ASTN2: variants seen among roughly 807,000 people sequenced by gnomAD.
The protein encoded by ASTN2 is astrotactin 2.
A neutral mutation model predicts 139.8 loss-of-function variants in ASTN2; 54 were observed. That is an observed-to-expected ratio of 0.39 (90% confidence interval 0.31 to 0.48). ASTN2 has a LOEUF of 0.48. Ranked by LOEUF, ASTN2 falls within the 20% of genes least tolerant of loss-of-function variation. The pLI, the probability that ASTN2 is intolerant of heterozygous loss-of-function variation, is 0.95. For synonymous variants in ASTN2, 756 were observed against 719.5 expected (o/e 1.05, Z -0.81); for missense variants, 1,565 against 1,725.1 (o/e 0.91, Z 1.64).
intron 20 of ASTN2, among the ~76,000 whole-genome samples, chr9:116,462,831 T>C (rs1848534168): frequency 6.9e-6 from 1 of 145,458 alleles, no homozygotes; most frequent in African/African-American, 2.5e-5. Context: ...TGTGTGTGTG[T>C]CTGCCCATAT....
intron 1 of ASTN2, among the ~76,000 whole-genome samples, chr9:117,317,810 G>C (rs1175823627): frequency 3.3e-5 from 5 of 152,176 alleles, no homozygotes; most frequent in Non-Finnish European, 7.4e-5. Flanking sequence ...CCTCTACACA[G>C]TGCACTCACA....
At chr9:116,717,407 G>A (rs867297868) in intron 16 of ASTN2, among the ~76,000 whole-genome samples, 2 of 152,098 alleles carry the variant, frequency 1.3e-5, no homozygotes, top group Non-Finnish European at 1.5e-5. Flanking sequence ...GGAGAAATAC[G>A]TTGGCTCTGT....
chr9:117,175,194 A>C (rs1033658044), intron 3 of ASTN2, among the ~76,000 whole-genome samples: 1 of 152,150 alleles, frequency 6.6e-6, no homozygotes, highest in African/African-American at 2.4e-5. Context: ...AAAAGATACA[A>C]TTTGCAACAG....
At chr9:116,640,352 CA>C (rs1157936445) in intron 17 of ASTN2, among the ~76,000 whole-genome samples, 6 of 151,594 alleles carry the variant, frequency 4.0e-5, no homozygotes, top group African/African-American at 1.5e-4. Flanking sequence ...CAATCAGTTT[CA>C]AAAAATAAAA....
In ASTN2 at chr9:117,024,416, A is replaced by T. The variant is rs74308293; in HGVS notation, c.1423+15403T>A. On this transcript the variant is annotated intron_variant, in intron 6 of 22. Coordinates refer to ENST00000313400, the MANE Select transcript of ASTN2 (RefSeq NM_001365068.1). Reference sequence around the variant, plus strand: ...AGATGTCTCAGAATTGTTTTTTTTTAAAAAGTTATTGTTAAAAGTATCCTG... The same window carrying T: ...AGATGTCTCAGAATTGTTTTTTTTTTAAAAGTTATTGTTAAAAGTATCCTG... 4.8e-3 allele frequency among the ~76,000 whole-genome samples: 574 copies of T among 119,300 alleles called. 5 individuals are homozygous for T. The highest frequency in any genetic ancestry group is 0.019 in the African/African-American group (510 of 26,182). The allele number at this position is 119,300 out of a possible 152,430, so 78.3% of individuals were successfully genotyped here. A position where few individuals can be genotyped will look rare whatever the true frequency, so the allele number is the denominator to read the frequency against.
chr9:116,997,399 C>T (rs908108927), intron 7 of ASTN2, among the ~76,000 whole-genome samples: 1 of 152,170 alleles, frequency 6.6e-6, no homozygotes, highest in African/African-American at 2.4e-5. Flanking sequence ...TTCCCTACAA[C>T]CCATACATGC....
rs1311185257 is a variant in ASTN2, at chr9:116,565,379, CTCTCTCTCCATA to C, written c.3355+52933_3355+52944del. Among the ~76,000 whole-genome samples the C allele has an allele frequency of 3.9e-3, 134 of 34,374 alleles. 5 individuals are homozygous for C. The South Asian group carries it at 0.1, about 26-fold the overall frequency. The allele number at this position is 34,374 out of a possible 152,430, so 22.6% of individuals were successfully genotyped here. A position where few individuals can be genotyped will look rare whatever the true frequency, so the allele number is the denominator to read the frequency against. Reference sequence around the variant, plus strand: ...TCTCTCTCTCTCTCTCTCTCTCTCTCTCTCTCTCCATATATATATATATATATATATATATAT... The same window carrying C: ...TCTCTCTCTCTCTCTCTCTCTCTCTCTATATATATATATATATATATATAT... On this transcript the variant is annotated intron_variant, in intron 19 of 22. Transcript: ENST00000313400.
intron 16 of ASTN2, among the ~76,000 whole-genome samples, chr9:116,659,678 C>G (rs1336245742): frequency 2.0e-5 from 3 of 152,126 alleles, no homozygotes; most frequent in African/African-American, 7.2e-5. Flanking sequence ...CTCCCACCCC[C>G]AGGTAATGCC....
At chr9:116,666,447 T>C (rs1459865731) in intron 16 of ASTN2, among the ~76,000 whole-genome samples, 2 of 152,248 alleles carry the variant, frequency 1.3e-5, no homozygotes, top group Non-Finnish European at 1.5e-5. Flanking sequence ...TTTGACATAA[T>C]GAAACTCACA....
chr9:116,664,901 A>G (rs1858771369), intron 16 of ASTN2, among the ~76,000 whole-genome samples: 1 of 152,168 alleles, frequency 6.6e-6, no homozygotes, highest in African/African-American at 2.4e-5. Flanking sequence ...TTGAAATGTA[A>G]TCCCCAGTGT....
At chr9:117,212,204 T>C (rs1397906066) in intron 3 of ASTN2, among the ~76,000 whole-genome samples, 1 of 152,070 alleles carries the variant, frequency 6.6e-6, no homozygotes, top group Non-Finnish European at 1.5e-5. Flanking sequence ...AAACTGAATA[T>C]GCATATGCAG....
At chr9:116,859,866 G>C (rs780235955) in intron 11 of ASTN2, among the ~76,000 whole-genome samples, 3 of 152,230 alleles carry the variant, frequency 2.0e-5, no homozygotes, top group Non-Finnish European at 4.4e-5. Flanking sequence ...GGCATGTCTA[G>C]ATCAAAAGAG....
intron 19 of ASTN2, among the ~76,000 whole-genome samples, chr9:116,506,629 TAGAG>T (rs1053582021): frequency 2.6e-5 from 4 of 151,974 alleles, no homozygotes; most frequent in Non-Finnish European, 4.4e-5. Flanking sequence ...GATTGATAAA[TAGAG>T]AGAATGTGGG....
chr9:117,125,430 A>T (rs1444970295), intron 4 of ASTN2, among the ~76,000 whole-genome samples: 1 of 152,200 alleles, frequency 6.6e-6, no homozygotes. Context: ...TTAGTCTGAA[A>T]TTAGGTTTAA....
intron 10 of ASTN2, among the ~76,000 whole-genome samples, chr9:116,895,454 C>T (rs372934527): frequency 6.6e-6 from 1 of 152,078 alleles, no homozygotes; most frequent in Non-Finnish European, 1.5e-5. Context: ...GCTAGGAGAC[C>T]AAAGGGATGC....
At position 116,571,502 on chromosome 9, in the gene ASTN2, G is replaced by A. The variant is rs1307929361; in HGVS notation, c.3355+46822C>T. On this transcript the variant is annotated intron_variant, in intron 19 of 22. Transcript: ENST00000313400. ...GATCCATGTGGAGTTATGTCCATAC[G>A]GTGAGTGTGAGTATTTGGTGTGTGC... 2.6e-5 allele frequency among the ~76,000 whole-genome samples: 4 copies of A among 152,122 alleles called. No homozygotes were observed. The East Asian group carries it at 7.7e-4, about 29-fold the overall frequency.
At chr9:116,787,910 A>T (rs962614337) in intron 13 of ASTN2, among the ~76,000 whole-genome samples, 2 of 152,198 alleles carry the variant, frequency 1.3e-5, no homozygotes, top group Non-Finnish European at 2.9e-5. Context: ...ATATAAGAGG[A>T]TGCTATGGGA....
chr9:117,125,912 G>A (rs930649661), intron 4 of ASTN2, among the ~76,000 whole-genome samples: 9 of 151,874 alleles, frequency 5.9e-5, no homozygotes, highest in African/African-American at 2.2e-4. Flanking sequence ...ACTAAGTTGT[G>A]GTATCATCAT....
At chr9:117,342,632 G>T (rs1357955877) in intron 1 of ASTN2, among the ~76,000 whole-genome samples, 2 of 152,088 alleles carry the variant, frequency 1.3e-5, no homozygotes, top group East Asian at 1.9e-4. Context: ...TCACCTACAA[G>T]GTCCTGGCTT....
Sources: allele counts gnomAD v4.1 joint callset (sites outside exome capture counted in the v4.1 genomes callset), GRCh38; gene constraint gnomAD v4.1.1; transcripts MANE v1.5; gene names NCBI Gene and HGNC (gene_info 2026-07-23, HGNC 2026-07-21).